Variants in KCNJ10 observed in about 807,000 individuals in gnomAD.
KCNJ10 encodes ATP-sensitive inward rectifier potassium channel 10.
Under a neutral mutation model 22.2 loss-of-function variants are expected in KCNJ10, and 9 were observed. The observed-to-expected ratio is 0.40, with a 90% CI of 0.24 to 0.71. The LOEUF (loss-of-function observed/expected upper bound fraction) is 0.71. KCNJ10 is among the 30% of genes least tolerant of loss of function. The pLI, the probability that KCNJ10 is intolerant of heterozygous loss-of-function variation, is 0.35. For missense variants in KCNJ10, 337 were observed against 482.7 expected, an observed-to-expected ratio of 0.70 and a Z score of 2.83; for synonymous variants, 184 against 187.3, an observed-to-expected ratio of 0.98 and a Z score of 0.15.
intron 1 of KCNJ10, among the ~76,000 whole-genome samples, chr1:160,057,121 A>G (rs925308257): frequency 6.6e-6 from 1 of 152,198 alleles, no homozygotes; most frequent in Admixed American, 6.5e-5. Flanking sequence ...ACCTTCCACT[A>G]TGTGGTCAGG....
intron 1 of KCNJ10, among the ~76,000 whole-genome samples, chr1:160,052,227 C>G (rs899862291): frequency 1.3e-5 from 2 of 152,172 alleles, no homozygotes; most frequent in Non-Finnish European, 2.9e-5. Flanking sequence ...CCTACTATAG[C>G]TATTAACTAA....
chr1:160,053,107 A>T (rs950144282), intron 1 of KCNJ10, among the ~76,000 whole-genome samples: 1 of 152,068 alleles, frequency 6.6e-6, no homozygotes, highest in African/African-American at 2.4e-5. Context: ...TCAGTCTGGG[A>T]GGTGCTACGT....
intron 1 of KCNJ10, among the ~76,000 whole-genome samples, chr1:160,064,218 C>T (rs1444168172): frequency 6.6e-6 from 1 of 152,224 alleles, no homozygotes; most frequent in African/African-American, 2.4e-5. Flanking sequence ...CGGAGGGTTC[C>T]TGAGACCCTT....
Position 160,051,777 on chromosome 1 carries a change from G to T in KCNJ10, c.1-9245C>A, listed in dbSNP as rs58028451. ...TTTATTCTCCCCACTTCCTTCATGTGGACTCTCCTCCCAACGGTCTTCTCA... is the reference window on the plus strand; with the variant it reads ...TTTATTCTCCCCACTTCCTTCATGTTGACTCTCCTCCCAACGGTCTTCTCA... On this transcript the variant is annotated intron_variant, in intron 1 of 1. Transcript: ENST00000644903. Among the ~76,000 whole-genome samples the T allele has an allele frequency of 7.3e-3, 1,116 of 151,966 alleles. 17 individuals are homozygous for T. The highest frequency in any genetic ancestry group is 0.025 in the African/African-American group (1,052 of 41,408).
At chr1:160,055,652 A>C (rs998180951) in intron 1 of KCNJ10, among the ~76,000 whole-genome samples, 2 of 152,174 alleles carry the variant, frequency 1.3e-5, no homozygotes, top group African/African-American at 4.8e-5. Context: ...ATGTGTGAGA[A>C]CACTGCATGG....
At chr1:160,052,785 T>C (rs1038130952) in intron 1 of KCNJ10, among the ~76,000 whole-genome samples, 2 of 152,144 alleles carry the variant, frequency 1.3e-5, no homozygotes, top group African/African-American at 4.8e-5. Context: ...ATTTCCTTCA[T>C]TGTGGAATAG....
At chr1:160,065,154 C>A (rs1318347851) in intron 1 of KCNJ10, 2 of 152,062 alleles carry the variant, frequency 1.3e-5, no homozygotes, top group African/African-American at 4.8e-5. Context: ...TAGGGTGAAG[C>A]CATGTCTACA....
chr1:160,056,762 C>A (rs540576706), intron 1 of KCNJ10, among the ~76,000 whole-genome samples: 7 of 152,272 alleles, frequency 4.6e-5, no homozygotes, highest in Non-Finnish European at 8.8e-5. Context: ...GAATTAGAAT[C>A]TCTGGGTGAT....
intron 1 of KCNJ10, among the ~76,000 whole-genome samples, chr1:160,051,492 A>T (rs1648902241): frequency 6.6e-6 from 1 of 152,116 alleles, no homozygotes; most frequent in Non-Finnish European, 1.5e-5. Flanking sequence ...GCTGAAATTT[A>T]TGCCTCTTCC....
chr1:160,067,525 G>A (rs749625380), intron 1 of KCNJ10, among the ~76,000 whole-genome samples: 2 of 152,158 alleles, frequency 1.3e-5, no homozygotes, highest in Non-Finnish European at 2.9e-5. Context: ...ATGTGCCTTG[G>A]CTGATTCCTT....
Position 160,040,712 on chromosome 1 carries a change from C to A in KCNJ10, c.*681G>T. 2.5e-6 allele frequency: 1 copy of A among 397,684 alleles called. No individual in the cohort carries two copies. The highest frequency in any genetic ancestry group is 6.4e-4 in the Middle Eastern group (1 of 1,572). 24.6% of individuals were successfully genotyped at this position (397,684 alleles called of 1,614,324 possible). ...GGTTATATGTTTATGTTTCTTGGGC[C>A]AACTCCAATTCTCTGAGAACAGAGG... On this transcript the variant is annotated 3_prime_UTR_variant, in exon 2 of 2. Coordinates refer to ENST00000644903, the MANE Select transcript of KCNJ10 (RefSeq NM_002241.5).
At position 160,040,422 on chromosome 1, in the gene KCNJ10, T is replaced by A. The variant is rs976406008; in HGVS notation, c.*971A>T. ...CTCCCTTCTCCCAAAGAGTTGGGGT[T>A]AAGGAAGAAGGATCTAGGCTGAGCA... On this transcript the variant is annotated 3_prime_UTR_variant, in exon 2 of 2. Coordinates refer to ENST00000644903, the MANE Select transcript of KCNJ10 (RefSeq NM_002241.5). 1 of 397,610 alleles carries A rather than the reference T, an allele frequency of 2.5e-6. No individual in the cohort carries two copies. Among genetic ancestry groups the A allele is most frequent in the Non-Finnish European group, 4.4e-6 (1 of 225,586 alleles). 24.6% of individuals were successfully genotyped at this position (397,610 alleles called of 1,614,324 possible).
chr1:160,055,596 A>G (rs1193819211), intron 1 of KCNJ10, among the ~76,000 whole-genome samples: 1 of 152,206 alleles, frequency 6.6e-6, no homozygotes, highest in Non-Finnish European at 1.5e-5. Context: ...TATCTGCAAA[A>G]GGGGCATAAT....
chr1:160,048,819 C>G (rs1648811158), intron 1 of KCNJ10, among the ~76,000 whole-genome samples: 1 of 152,178 alleles, frequency 6.6e-6, no homozygotes, highest in Non-Finnish European at 1.5e-5. Context: ...TGTGCCTCCT[C>G]TCCTTCATTC....
At chr1:160,059,567 T>C (rs549958724) in intron 1 of KCNJ10, among the ~76,000 whole-genome samples, 6 of 152,278 alleles carry the variant, frequency 3.9e-5, no homozygotes, top group African/African-American at 1.2e-4. Context: ...TTATCTTCAA[T>C]CTGGGCCTCC....
chr1:160,045,414 A>G (rs377440330), intron 1 of KCNJ10, among the ~76,000 whole-genome samples: 1 of 152,246 alleles, frequency 6.6e-6, no homozygotes, highest in Non-Finnish European at 1.5e-5. Context: ...GAGTCAAATA[A>G]GTAGGCCAAG....
rs1404425302 is a variant in KCNJ10 at position 160,041,907 on chromosome 1, A to G, written c.626T>C (p.Ile209Thr). 3.7e-6 allele frequency: 6 copies of G among 1,614,084 alleles called. No homozygotes were observed. The highest frequency in any genetic ancestry group is 1.3e-5 in the African/African-American group (1 of 75,018). ...CAGTTTTCCTGTCACCTGGCAGCCAATGAGGAGGCTTTTGCGCATATTGGC... is the reference window on the plus strand; with the variant it reads ...CAGTTTTCCTGTCACCTGGCAGCCAGTGAGGAGGCTTTTGCGCATATTGGC... ...RVANMRKSLL[I>T]GCQVTGKLLQ... is the part of the protein sequence containing the mutation. The change falls in exon 2 of 2, where the codon ATT becomes ACT. Residue 209 changes from isoleucine to threonine, a missense_variant. Transcript: ENST00000644903. This position sits in a 1 kb window ranked among gnomAD's most constrained non-coding sequence, Gnocchi z 4.4.
chr1:160,061,555 G>A (rs977066810), intron 1 of KCNJ10, among the ~76,000 whole-genome samples: 9 of 152,194 alleles, frequency 5.9e-5, no homozygotes, highest in African/African-American at 2.2e-4. Flanking sequence ...TGCAGCAAGA[G>A]GCTGTGTCCA....
At chr1:160,049,691 A>C (rs1415121561) in intron 1 of KCNJ10, among the ~76,000 whole-genome samples, 5 of 113,492 alleles carry the variant, frequency 4.4e-5, no homozygotes, top group African/African-American at 1.8e-4. Flanking sequence ...ATATATATAT[A>C]TATATATATA....
Sources: gnomAD v4.1 joint callset for allele counts (sites outside exome capture counted in the v4.1 genomes callset) on GRCh38, gnomAD v4.1.1 for gene constraint, Gnocchi (gnomAD v3.1) non-coding constraint, MANE v1.5 for transcripts, NCBI Gene and HGNC (gene_info 2026-07-23, HGNC 2026-07-21) for gene names.